The following CRYBG1 variants were observed in gnomAD, a reference collection of about 807,000 sequenced individuals.
CRYBG1 encodes the protein beta/gamma crystallin domain-containing protein 1.
Under a neutral mutation model 189.2 loss-of-function variants are expected in CRYBG1, and 139 were observed. The ratio of observed to expected loss-of-function variants is 0.73; its 90% confidence interval spans 0.64 to 0.85. The LOEUF is 0.85. CRYBG1 is among the 40% of genes least tolerant of loss of function. CRYBG1 has a pLI of 0.00. For synonymous variants in CRYBG1, 1,023 were observed against 1,017.1 expected, an observed-to-expected ratio of 1.01 and a Z score of -0.11; for missense variants, 2,611 against 2,675.8, an observed-to-expected ratio of 0.98 and a Z score of 0.53.
rs919861317 is a variant in CRYBG1, at chr6:106,563,931, G to A, written c.6301+5G>A. On this transcript the variant is annotated splice_donor_5th_base_variant and intron_variant, in intron 21 of 21. Coordinates refer to ENST00000633556, the MANE Select transcript of CRYBG1 (RefSeq NM_001371242.2). ...ATTTAGTTTTAGACATTAAAGGTAA[G>A]GGTCACTTCCTTTATTTTCTTTATT... 6.3e-7 allele frequency: 1 copy of A among 1,598,628 alleles called. No individual in the cohort carries two copies. The highest frequency in any genetic ancestry group is 8.6e-7 in the Non-Finnish European group (1 of 1,166,862).
intron 1 of CRYBG1, among the ~76,000 whole-genome samples, chr6:106,423,369 G>T (rs1213891718): frequency 7.0e-6 from 1 of 143,632 alleles, no homozygotes; most frequent in African/African-American, 2.6e-5. Flanking sequence ...CCTTTGCATT[G>T]GCTAGAGTCA....
At chr6:106,438,947 C>A (rs1296303168) in intron 1 of CRYBG1, among the ~76,000 whole-genome samples, 2 of 151,352 alleles carry the variant, frequency 1.3e-5, no homozygotes, top group African/African-American at 4.9e-5. Context: ...TGCCCGTAAT[C>A]CCAAAATTTT....
At chr6:106,365,449 A>AT (rs1378205510) in intron 1 of CRYBG1, among the ~76,000 whole-genome samples, 2 of 31,166 alleles carry the variant, frequency 6.4e-5, no homozygotes, top group Non-Finnish European at 1.9e-4. Context: ...ACGAAACAAA[A>AT]CCAAAAAAAA....
chr6:106,371,881 A>C (rs1406200860), intron 1 of CRYBG1, among the ~76,000 whole-genome samples: 1 of 152,214 alleles, frequency 6.6e-6, no homozygotes, highest in Non-Finnish European at 1.5e-5. Context: ...CATTGCTGGC[A>C]CTTAATTGTA....
chr6:106,553,158 A>C (rs1366526530), intron 15 of CRYBG1, among the ~76,000 whole-genome samples: 1 of 152,246 alleles, frequency 6.6e-6, no homozygotes, highest in Non-Finnish European at 1.5e-5. Context: ...ATTTCTGACC[A>C]CAATAAAGCT....
In CRYBG1 at chr6:106,511,517, A is replaced by T; in HGVS notation, c.400A>T (p.Ser134Cys). ...TLFTAGRRRNSRNGLESPTRS... is the reference protein window; with the variant it reads ...TLFTAGRRRNCRNGLESPTRS... ...ATTCACTGCAGGAAGGAGAAGAAAC[A>T]GTAGAAACGGGTTAGAGAGTCCCAC... The change falls in exon 3 of 22, where the codon AGT becomes TGT. Residue 134 changes from serine to cysteine, a missense_variant. Physicochemically the swap from Ser to Cys is moderately radical, Grantham distance 112 (BLOSUM62 -1). Transcript: ENST00000633556. The T allele has an allele frequency of 6.5e-7, 1 of 1,535,712 alleles. No individual in the cohort carries two copies.
At chr6:106,398,551 A>G (rs796124804) in intron 1 of CRYBG1, among the ~76,000 whole-genome samples, 9 of 152,186 alleles carry the variant, frequency 5.9e-5, no homozygotes, top group African/African-American at 2.2e-4. Context: ...TATAAAATAT[A>G]CAGGAAGTAC....
In CRYBG1 at chr6:106,446,851, G is replaced by A. The variant is rs867485601; in HGVS notation, c.174-4843G>A. Among the ~76,000 whole-genome samples, 17 of 152,274 alleles carry A rather than the reference G, an allele frequency of 1.1e-4. No homozygotes were observed. The South Asian group carries it at 2.3e-3, about 20-fold the overall frequency. ...AATAGCCATGCGGCTCTTTTAACTT[G>A]GGAAAGGGAAAACAGTCTTGCCGTT... On this transcript the variant is annotated intron_variant, in intron 1 of 21. Transcript: ENST00000633556.
At chr6:106,401,984 G>A (rs1368998279) in intron 1 of CRYBG1, among the ~76,000 whole-genome samples, 8 of 150,902 alleles carry the variant, frequency 5.3e-5, no homozygotes, top group Admixed American at 2.0e-4. Context: ...AAAATCACAA[G>A]CATTCTTATA....
intron 2 of CRYBG1, among the ~76,000 whole-genome samples, chr6:106,458,763 G>C (rs1308887043): frequency 1.3e-5 from 2 of 152,156 alleles, no homozygotes; most frequent in Non-Finnish European, 2.9e-5. Flanking sequence ...GTAGTTTCCA[G>C]AGCATGATAC....
chr6:106,559,353 A>G (rs1774642509), intron 18 of CRYBG1, among the ~76,000 whole-genome samples: 1 of 152,262 alleles, frequency 6.6e-6, no homozygotes, highest in African/African-American at 2.4e-5. Flanking sequence ...ATACTTTTGA[A>G]TAAGATATAA....
chr6:106,385,611 A>G (rs1400239052), intron 1 of CRYBG1, among the ~76,000 whole-genome samples: 1 of 152,224 alleles, frequency 6.6e-6, no homozygotes, highest in African/African-American at 2.4e-5. Flanking sequence ...TCCTCCTGAA[A>G]ACTATATCGC....
chr6:106,415,633 G>A (rs1234248618), intron 1 of CRYBG1, among the ~76,000 whole-genome samples: 1 of 152,094 alleles, frequency 6.6e-6, no homozygotes, highest in East Asian at 1.9e-4. Context: ...TACTGAGATG[G>A]GAGGATTGCT....
chr6:106,432,196 G>A (rs1201808748), intron 1 of CRYBG1, among the ~76,000 whole-genome samples: 4 of 152,156 alleles, frequency 2.6e-5, no homozygotes, highest in Admixed American at 2.6e-4. Context: ...ATGAATCACT[G>A]TCAATGCGAA....
At chr6:106,437,256 G>GT in intron 1 of CRYBG1, among the ~76,000 whole-genome samples, 2 of 151,820 alleles carry the variant, frequency 1.3e-5, no homozygotes, top group East Asian at 3.9e-4. Flanking sequence ...ATCTCATTGG[G>GT]TTTGCTAATA....
At chr6:106,420,157 T>C (rs60854560) in intron 1 of CRYBG1, among the ~76,000 whole-genome samples, 17,189 of 152,168 alleles carry the variant, frequency 0.11, 1,024 homozygotes, top group East Asian at 0.15. Flanking sequence ...TCAAAACAAA[T>C]ACAAGTTTAT....
chr6:106,376,649 T>C (rs1770168474), intron 1 of CRYBG1, among the ~76,000 whole-genome samples: 1 of 152,202 alleles, frequency 6.6e-6, no homozygotes, highest in South Asian at 2.1e-4. Context: ...TAGGGGGTAG[T>C]AGAGGCTTCC....
At chr6:106,454,363 C>CCA (rs1030054587) in intron 2 of CRYBG1, among the ~76,000 whole-genome samples, 4 of 152,020 alleles carry the variant, frequency 2.6e-5, no homozygotes, top group East Asian at 1.9e-4. Flanking sequence ...ACCTACCCAC[C>CCA]CACACACACA....
chr6:106,474,985 A>G (rs1325705144), intron 2 of CRYBG1, among the ~76,000 whole-genome samples: 4 of 152,206 alleles, frequency 2.6e-5, no homozygotes, highest in African/African-American at 9.7e-5. Context: ...AAAACAAAAC[A>G]AAAAAGATTG....
Sources: allele counts gnomAD v4.1 joint callset (sites outside exome capture counted in the v4.1 genomes callset), GRCh38; gene constraint gnomAD v4.1.1; transcripts MANE v1.5; gene names NCBI Gene and HGNC (gene_info 2026-07-23, HGNC 2026-07-21).